Variants in CDIN1 observed in about 807,000 individuals in gnomAD.
CDIN1 encodes the protein CDAN1 interacting nuclease 1, also known as CDAN1-interacting nuclease 1.
A neutral mutation model predicts 45.3 loss-of-function variants in CDIN1; 33 were observed. The observed-to-expected ratio is 0.73, with a 90% CI of 0.55 to 0.97. CDIN1 has a LOEUF of 0.97. Among genes scored for constraint, CDIN1 ranks in the 50% least tolerant of loss-of-function variants. CDIN1 has a pLI of 0.00. For synonymous variants in CDIN1, 118 were observed against 124.4 expected, an observed-to-expected ratio of 0.95 and a Z score of 0.34; for missense variants, 303 against 339.4, an observed-to-expected ratio of 0.89 and a Z score of 0.84.
chr15:36,649,266 T>C (rs926700335), intron 3 of CDIN1, among the ~76,000 whole-genome samples: 11 of 152,180 alleles, frequency 7.2e-5, no homozygotes, highest in African/African-American at 1.9e-4. Context: ...TGAAAACTCT[T>C]TGGGGTAGGG....
Position 36,595,724 on chromosome 15 carries a change from G to A in CDIN1, c.101+15763G>A, listed in dbSNP as rs191585596. Among the ~76,000 whole-genome samples, 670 of 152,314 alleles carry A rather than the reference G, an allele frequency of 4.4e-3. 2 individuals are homozygous for A. The highest frequency in any genetic ancestry group is 7.5e-3 in the Non-Finnish European group (513 of 68,030). ...TGCTTTCAGGACATAACGAATTGAC[G>A]AGGCCATCCATCATTTGTTAGCATA... is the stretch of plus-strand genomic sequence containing the variant. On this transcript the variant is annotated intron_variant, in intron 1 of 10. Coordinates refer to ENST00000566621, the MANE Select transcript of CDIN1 (RefSeq NM_001321759.2).
intron 10 of CDIN1, among the ~76,000 whole-genome samples, chr15:36,775,630 A>G (rs990758733): frequency 2.0e-5 from 3 of 152,308 alleles, no homozygotes. Context: ...GGTGAATGTT[A>G]CTCTGCCAAA....
chr15:36,756,307 A>G (rs757365186), intron 10 of CDIN1, among the ~76,000 whole-genome samples: 1 of 152,176 alleles, frequency 6.6e-6, no homozygotes, highest in Non-Finnish European at 1.5e-5. Flanking sequence ...ATCTAATTTC[A>G]GTGTGGAGAT....
At chr15:36,674,427 T>C (rs1284665667) in intron 5 of CDIN1, among the ~76,000 whole-genome samples, 2 of 152,136 alleles carry the variant, frequency 1.3e-5, no homozygotes, top group African/African-American at 4.8e-5. Flanking sequence ...CAGAAAGGAA[T>C]AGCTTTTGCA....
intron 3 of CDIN1, among the ~76,000 whole-genome samples, chr15:36,645,642 T>G (rs1165205325): frequency 2.0e-5 from 3 of 152,138 alleles, no homozygotes; most frequent in Non-Finnish European, 4.4e-5. Context: ...TATACATATA[T>G]CTACATATAT....
At chr15:36,741,888 A>G (rs1388568068) in intron 10 of CDIN1, among the ~76,000 whole-genome samples, 3 of 152,154 alleles carry the variant, frequency 2.0e-5, no homozygotes, top group Non-Finnish European at 4.4e-5. Flanking sequence ...TTCAACATAC[A>G]AAGTTTTTGG....
At chr15:36,725,985 A>G (rs1333398273) in intron 10 of CDIN1, among the ~76,000 whole-genome samples, 1 of 152,206 alleles carries the variant, frequency 6.6e-6, no homozygotes, top group Non-Finnish European at 1.5e-5. Context: ...AAAGTGTGGA[A>G]AGTTTACATA....
intron 10 of CDIN1, among the ~76,000 whole-genome samples, chr15:36,757,228 G>C (rs757881132): frequency 9.9e-5 from 15 of 152,176 alleles, no homozygotes; most frequent in Non-Finnish European, 1.8e-4. Flanking sequence ...GGGAATAACA[G>C]TTAGGGTTAT....
intron 5 of CDIN1, among the ~76,000 whole-genome samples, 159 bp from the exon 6 acceptor site, chr15:36,691,526 T>A (rs985923308): frequency 1.3e-5 from 2 of 152,032 alleles, no homozygotes; most frequent in Non-Finnish European, 2.9e-5. Context: ...AATGGTCTAA[T>A]TAAAAGCTTC....
In CDIN1 at chr15:36,720,859, T is replaced by A. The variant is rs547402486; in HGVS notation, c.716+10898T>A. Among the ~76,000 whole-genome samples, 5 of 152,326 alleles carry A rather than the reference T, an allele frequency of 3.3e-5. No homozygotes were observed. In the South Asian group the frequency reaches 1.0e-3, roughly 32 times the overall value. ...ATCCTTGAGGGATCGCCATACTGTCTTCCACAATGGTTGAACTAATTTACA... is the reference window on the plus strand; with the variant it reads ...ATCCTTGAGGGATCGCCATACTGTCATCCACAATGGTTGAACTAATTTACA... On this transcript the variant is annotated intron_variant, in intron 10 of 10. Transcript: ENST00000566621.
intron 8 of CDIN1, chr15:36,704,840 T>G (rs536801825): frequency 6.6e-6 from 1 of 152,300 alleles, no homozygotes; most frequent in East Asian, 1.9e-4. Context: ...TGGAAATGAC[T>G]ATACTTTTAA....
chr15:36,652,672 C>T (rs751147882), intron 3 of CDIN1, among the ~76,000 whole-genome samples: 6 of 152,032 alleles, frequency 3.9e-5, no homozygotes, highest in Non-Finnish European at 8.8e-5. Context: ...CAAGGGTGGC[C>T]CCAATATGTG....
intron 10 of CDIN1, among the ~76,000 whole-genome samples, chr15:36,774,213 A>G (rs1264703429): frequency 6.6e-6 from 1 of 151,290 alleles, no homozygotes; most frequent in East Asian, 1.9e-4. Context: ...CCCTTAGGTT[A>G]CTAGAGACAG....
At chr15:36,783,475 A>T (rs1566970562) in intron 10 of CDIN1, among the ~76,000 whole-genome samples, 1 of 152,188 alleles carries the variant, frequency 6.6e-6, no homozygotes, top group Non-Finnish European at 1.5e-5. Flanking sequence ...CATTTTGTCA[A>T]AATGGGAGCA....
At chr15:36,762,178 G>A (rs2053784311) in intron 10 of CDIN1, among the ~76,000 whole-genome samples, 1 of 140,668 alleles carries the variant, frequency 7.1e-6, no homozygotes, top group Admixed American at 7.3e-5. Context: ...GCCCTTGTGA[G>A]CACTCCTAGA....
chr15:36,676,956 A>G lies in CDIN1; in HGVS notation c.347-14729A>G, dbSNP rs753399822. On this transcript the variant is annotated intron_variant, in intron 5 of 10. Coordinates refer to ENST00000566621, the MANE Select transcript of CDIN1 (RefSeq NM_001321759.2). ...ACAACAACAAAAATGTGTGCTAGTAAGGTCACTTCACATACCTATACCAGT... is the reference window on the plus strand; with the variant it reads ...ACAACAACAAAAATGTGTGCTAGTAGGGTCACTTCACATACCTATACCAGT... Among the ~76,000 whole-genome samples, 57 of 152,308 alleles carry G rather than the reference A, an allele frequency of 3.7e-4. 1 individual carries two copies. The highest frequency in any genetic ancestry group is 3.4e-3 in the Middle Eastern group (1 of 294).
At position 36,755,372 on chromosome 15, in the gene CDIN1, T is replaced by A. The variant is rs183616365; in HGVS notation, c.716+45411T>A. Among the ~76,000 whole-genome samples the A allele has an allele frequency of 1.5e-3, 234 of 152,296 alleles. 1 individual carries two copies. The highest frequency in any genetic ancestry group is 2.3e-3 in the Non-Finnish European group (156 of 68,028). On this transcript the variant is annotated intron_variant, in intron 10 of 10. Transcript: ENST00000566621. ...TTCTAAACAGCAATTAATCTCATTT[T>A]AGTACAATTTTCTCGTTTCTGAAGT...
chr15:36,618,305 AT>A (rs1189722618), intron 1 of CDIN1: 4 of 667,704 alleles, frequency 6.0e-6, no homozygotes, highest in African/African-American at 3.6e-5. Context: ...AGTTCAAAAA[AT>A]TTTTCAACTG....
chr15:36,654,458 T>C (rs1195173921), intron 4 of CDIN1, among the ~76,000 whole-genome samples: 1 of 142,806 alleles, frequency 7.0e-6, no homozygotes, highest in East Asian at 2.0e-4. Flanking sequence ...TTTCTTAGGA[T>C]AGGTTGTCTT....
Sources: gnomAD v4.1 joint callset for allele counts (sites outside exome capture counted in the v4.1 genomes callset) on GRCh38, gnomAD v4.1.1 for gene constraint, MANE v1.5 for transcripts, NCBI Gene and HGNC (gene_info 2026-07-23, HGNC 2026-07-21) for gene names.